Variants in KCNU1 observed in about 807,000 individuals in gnomAD.
KCNU1 encodes the protein potassium channel subfamily U member 1.
In KCNU1, 93 loss-of-function variants were observed where a neutral mutation model predicts 126.8. The observed-to-expected ratio is 0.73, with a 90% confidence interval of 0.62 to 0.87. KCNU1 has a LOEUF of 0.87. KCNU1 is among the 40% of genes least tolerant of loss of function. The pLI is 0.00. For missense variants in KCNU1, 1,330 were observed against 1,367.1 expected (o/e 0.97, Z 0.43); for synonymous variants, 523 against 494.2 (o/e 1.06, Z -0.77).
At chr8:36,919,701 C>A (rs1444423756) in intron 23 of KCNU1, among the ~76,000 whole-genome samples, 1 of 152,192 alleles carries the variant, frequency 6.6e-6, no homozygotes, top group Non-Finnish European at 1.5e-5. Flanking sequence ...GCAGATTGAA[C>A]CAATTCAGAG....
intron 19 of KCNU1, among the ~76,000 whole-genome samples, chr8:36,895,229 C>T (rs1193321721): frequency 6.6e-6 from 1 of 151,942 alleles, no homozygotes; most frequent in African/African-American, 2.4e-5. Context: ...CAGGCACTGA[C>T]CACCACGCCC....
chr8:36,892,657 C>T (rs1317502716), intron 19 of KCNU1, among the ~76,000 whole-genome samples: 1 of 152,024 alleles, frequency 6.6e-6, no homozygotes, highest in Non-Finnish European at 1.5e-5. Context: ...GCTTTATGAT[C>T]AGCTAATGAT....
intron 23 of KCNU1, among the ~76,000 whole-genome samples, chr8:36,919,349 G>C (rs764038291): frequency 6.7e-6 from 1 of 148,530 alleles, no homozygotes; most frequent in Non-Finnish European, 1.5e-5. Flanking sequence ...CTCACCCTTG[G>C]TGTCTCCAAA....
intron 19 of KCNU1, among the ~76,000 whole-genome samples, chr8:36,877,784 T>C (rs1265561547): frequency 6.6e-6 from 1 of 152,212 alleles, no homozygotes; most frequent in Non-Finnish European, 1.5e-5. Flanking sequence ...TTCCCTGGAA[T>C]GGTTTCTCCA....
Position 36,784,499 on chromosome 8 carries a change from C to T in KCNU1, c.89C>T (p.Ser30Phe). Residue 30 changes from serine to phenylalanine, a missense_variant, in exon 1 of 27, where the codon TCT becomes TTT. By Grantham distance (155) the Ser-to-Phe change is radical (BLOSUM62 -2). Transcript: ENST00000399881. ...TTEIQAAFIL[S>F]SFVTFFSGLI... is the part of the protein sequence containing the mutation. ...GAGATCCAAGCAGCATTCATTCTCT[C>T]TTCCTTTGTGACCTTCTTCAGTGGA... The T allele has an allele frequency of 6.2e-7, 1 of 1,613,894 alleles. No homozygotes were observed. Among genetic ancestry groups the T allele is most frequent in the Non-Finnish European group, 8.5e-7 (1 of 1,179,794 alleles).
chr8:36,901,018 A>G (rs1280198835), intron 19 of KCNU1, among the ~76,000 whole-genome samples: 6 of 152,074 alleles, frequency 3.9e-5, no homozygotes, highest in Admixed American at 1.3e-4. Flanking sequence ...TTTCAAGTAG[A>G]ATGGTCATAA....
intron 9 of KCNU1, among the ~76,000 whole-genome samples, chr8:36,817,389 C>A (rs1398483289): frequency 2.0e-5 from 3 of 149,896 alleles, no homozygotes; most frequent in Non-Finnish European, 4.4e-5. Flanking sequence ...ATCCCAGCTA[C>A]TTGGGAGGCT....
chr8:36,935,987 T>C lies in KCNU1; in HGVS notation c.*67T>C. 1 of 1,377,804 alleles carries C rather than the reference T, an allele frequency of 7.3e-7. No individual in the cohort carries two copies. The highest frequency in any genetic ancestry group is 9.8e-7 in the Non-Finnish European group (1 of 1,015,670). The allele number at this position is 1,377,804 out of a possible 1,614,324, so 85.3% of individuals were successfully genotyped here. On this transcript the variant is annotated 3_prime_UTR_variant, in exon 27 of 27. Coordinates refer to ENST00000399881, the MANE Select transcript of KCNU1 (RefSeq NM_001031836.3). ...AAATCATCTCCTGAGATGCTAACTT[T>C]GAACAAAGAAAATAAGAATGGAAGC...
chr8:36,796,130 T>C (rs1403310108), intron 2 of KCNU1, among the ~76,000 whole-genome samples: 2 of 152,232 alleles, frequency 1.3e-5, no homozygotes, highest in Admixed American at 6.5e-5. Context: ...TAATTTTGGT[T>C]TCTTGTTTGA....
intron 19 of KCNU1, among the ~76,000 whole-genome samples, chr8:36,904,561 G>C (rs1286151677): frequency 6.6e-6 from 1 of 152,176 alleles, no homozygotes; most frequent in African/African-American, 2.4e-5. Context: ...GGCAGAGACA[G>C]AAATGCTCAC....
intron 19 of KCNU1, among the ~76,000 whole-genome samples, chr8:36,899,210 T>C (rs750013253): frequency 6.6e-6 from 1 of 152,054 alleles, no homozygotes; most frequent in Non-Finnish European, 1.5e-5. Flanking sequence ...GTTTATCTAA[T>C]AGAAACTCTA....
intron 2 of KCNU1, among the ~76,000 whole-genome samples, chr8:36,794,746 A>G (rs1217215379): frequency 6.6e-6 from 1 of 151,954 alleles, no homozygotes; most frequent in Non-Finnish European, 1.5e-5. Flanking sequence ...ACATAGTGAG[A>G]CCTCATTTGT....
At chr8:36,858,390 C>A (rs1004719057) in intron 18 of KCNU1, among the ~76,000 whole-genome samples, 9 of 151,894 alleles carry the variant, frequency 5.9e-5, no homozygotes, top group South Asian at 2.1e-4. Context: ...TTTTTTGAAG[C>A]AATGGATGAG....
chr8:36,816,250 T>G (rs774703548), intron 9 of KCNU1, among the ~76,000 whole-genome samples: 4 of 152,170 alleles, frequency 2.6e-5, no homozygotes, highest in Non-Finnish European at 5.9e-5. Flanking sequence ...CAGCCATGTG[T>G]TCCCAGGAGG....
At chr8:36,805,373 GC>G in intron 4 of KCNU1, 88 bp downstream of exon 4, 5 of 805,776 alleles carry the variant, frequency 6.2e-6, no homozygotes, top group Non-Finnish European at 1.0e-5. Context: ...CCTACAATCT[GC>G]CCGAGTTTTC....
At chr8:36,871,473 A>C (rs937745913) in intron 19 of KCNU1, among the ~76,000 whole-genome samples, 4 of 152,160 alleles carry the variant, frequency 2.6e-5, no homozygotes, top group African/African-American at 9.7e-5. Flanking sequence ...GATTCTTTAG[A>C]TTAACAAACA....
chr8:36,918,951 T>C, intron 23 of KCNU1, 54 bp downstream of exon 23: 1 of 1,117,476 alleles, frequency 8.9e-7, no homozygotes, highest in Non-Finnish European at 1.4e-6. Context: ...TGATATATAA[T>C]TTATGTTCCA....
At chr8:36,859,586 C>T (rs1460272823) in intron 18 of KCNU1, among the ~76,000 whole-genome samples, 1 of 152,146 alleles carries the variant, frequency 6.6e-6, no homozygotes, top group Non-Finnish European at 1.5e-5. Flanking sequence ...GTCTATGGCC[C>T]TTTTCAACTC....
chr8:36,916,181 AGAAG>A (rs749195504), intron 22 of KCNU1, among the ~76,000 whole-genome samples: 18 of 148,916 alleles, frequency 1.2e-4, no homozygotes, highest in Non-Finnish European at 2.4e-4. Flanking sequence ...AAGGTAGGAA[AGAAG>A]GAAGGAAGGA....
Sources: gnomAD v4.1 joint callset for allele counts (sites outside exome capture counted in the v4.1 genomes callset) on GRCh38, gnomAD v4.1.1 for gene constraint, MANE v1.5 for transcripts, NCBI Gene and HGNC (gene_info 2026-07-23, HGNC 2026-07-21) for gene names.